CNTNAP5: variants seen among roughly 807,000 people sequenced by gnomAD.
CNTNAP5 encodes the protein contactin associated protein family member 5.
In CNTNAP5, 72 loss-of-function variants were observed where a neutral mutation model predicts 150.2. That is an observed-to-expected ratio of 0.48 (90% CI 0.40 to 0.58). CNTNAP5 has a LOEUF of 0.58. Ranked by LOEUF, CNTNAP5 falls within the 20% of genes least tolerant of loss-of-function variation. The pLI, the probability that CNTNAP5 is intolerant of heterozygous loss-of-function variation, is 0.00. For missense variants in CNTNAP5, 1,636 were observed against 1,626.2 expected (o/e 1.01, Z -0.10); for synonymous variants, 672 against 619.8 (o/e 1.08, Z -1.25).
chr2:124,588,940 C>T (rs1696616090), intron 11 of CNTNAP5, among the ~76,000 whole-genome samples: 1 of 152,084 alleles, frequency 6.6e-6, no homozygotes, highest in Admixed American at 6.5e-5. Flanking sequence ...ACACCAGGCT[C>T]TGGTGCAGTG....
chr2:124,474,907 T>C, intron 7 of CNTNAP5, 25 bp downstream of exon 7: 2 of 1,580,940 alleles, frequency 1.3e-6, no homozygotes, highest in Non-Finnish European at 1.7e-6. Context: ...CTGTTTTGTC[T>C]TGATGGTTTC....
Position 124,552,917 on chromosome 2 carries a change from C to A in CNTNAP5, c.1650-10300C>A, listed in dbSNP as rs147842187. On this transcript the variant is annotated intron_variant, in intron 10 of 23. Coordinates refer to ENST00000682447, the MANE Select transcript of CNTNAP5 (RefSeq NM_001367498.1). ...GCATTCTACAGTATGGGTGTACCAT[C>A]ATTTATTTAACCATTCCCTAAATGG... Among the ~76,000 whole-genome samples the A allele has an allele frequency of 3.2e-4, 48 of 152,228 alleles. 1 individual carries two copies. The highest frequency in any genetic ancestry group is 1.0e-3 in the African/African-American group (43 of 41,548).
intron 10 of CNTNAP5, among the ~76,000 whole-genome samples, chr2:124,554,381 A>T (rs765552187): frequency 4.6e-5 from 7 of 150,690 alleles, no homozygotes; most frequent in Middle Eastern, 3.2e-3. Flanking sequence ...ACTAAGGAAG[A>T]TTTCAATTAA....
intron 13 of CNTNAP5, among the ~76,000 whole-genome samples, chr2:124,718,228 A>G (rs2105112849): frequency 6.6e-6 from 1 of 152,304 alleles, no homozygotes; most frequent in African/African-American, 2.4e-5. Context: ...AAGATAAAGT[A>G]TTATTATTCA....
chr2:124,279,833 C>T (rs542012890), intron 3 of CNTNAP5, among the ~76,000 whole-genome samples: 1 of 152,188 alleles, frequency 6.6e-6, no homozygotes, highest in South Asian at 2.1e-4. Flanking sequence ...AGGGATTCAT[C>T]CCTTACCACC....
chr2:124,127,702 C>A (rs1683743977), intron 1 of CNTNAP5, among the ~76,000 whole-genome samples: 1 of 152,048 alleles, frequency 6.6e-6, no homozygotes, highest in Admixed American at 6.6e-5. Flanking sequence ...GTACTGGTAC[C>A]AAAACAGAGA....
At chr2:124,417,774 A>G (rs1374065685) in intron 4 of CNTNAP5, among the ~76,000 whole-genome samples, 184 bp downstream of exon 4, 1 of 152,218 alleles carries the variant, frequency 6.6e-6, no homozygotes, top group Non-Finnish European at 1.5e-5. Flanking sequence ...TTAGGACTGT[A>G]GGAATGTAGT....
chr2:124,133,951 A>G (rs1043326464), intron 1 of CNTNAP5, among the ~76,000 whole-genome samples: 1 of 152,170 alleles, frequency 6.6e-6, no homozygotes, highest in African/African-American at 2.4e-5. Context: ...TGTGTCTACC[A>G]CTTCTGTGAA....
At chr2:124,485,631 A>AAGAAG (rs1553472350) in intron 7 of CNTNAP5, among the ~76,000 whole-genome samples, 3 of 134,266 alleles carry the variant, frequency 2.2e-5, no homozygotes, top group African/African-American at 3.1e-5. Context: ...AAAAAAAAAA[A>AAGAAG]AAAGAAGAAG....
chr2:124,463,448 C>T (rs973985892), intron 6 of CNTNAP5, among the ~76,000 whole-genome samples: 9 of 152,092 alleles, frequency 5.9e-5, no homozygotes, highest in Non-Finnish European at 1.3e-4. Flanking sequence ...GAATATACCC[C>T]GTTGCAAAAC....
intron 1 of CNTNAP5, among the ~76,000 whole-genome samples, chr2:124,040,709 C>T (rs1050137114): frequency 1.3e-5 from 2 of 150,046 alleles, no homozygotes; most frequent in African/African-American, 4.9e-5. Context: ...TGGTAGAGAG[C>T]TTTTAATATA....
chr2:124,789,771 T>G (rs1681682355), intron 17 of CNTNAP5, 131 bp from the exon 18 acceptor site: 3 of 808,286 alleles, frequency 3.7e-6, no homozygotes, highest in Non-Finnish European at 5.6e-6. Flanking sequence ...CACTGAAACT[T>G]TAATAAAAAA....
intron 3 of CNTNAP5, among the ~76,000 whole-genome samples, chr2:124,340,960 C>T (rs1040493812): frequency 6.6e-6 from 1 of 150,960 alleles, no homozygotes; most frequent in African/African-American, 2.4e-5. Flanking sequence ...CCTGTAGTCC[C>T]ACCTACTCAG....
chr2:124,507,800 A>C (rs540953434), intron 8 of CNTNAP5, among the ~76,000 whole-genome samples: 1 of 152,332 alleles, frequency 6.6e-6, no homozygotes, highest in African/African-American at 2.4e-5. Context: ...AAATATGTCA[A>C]AGAAGTACAT....
intron 12 of CNTNAP5, among the ~76,000 whole-genome samples, chr2:124,613,886 C>T (rs560642709): frequency 7.2e-5 from 11 of 152,260 alleles, no homozygotes; most frequent in African/African-American, 2.4e-4. Context: ...TCTGGACCTC[C>T]GCACACTTTT....
chr2:124,518,876 C>T (rs1243561677), intron 8 of CNTNAP5, among the ~76,000 whole-genome samples: 1 of 151,390 alleles, frequency 6.6e-6, no homozygotes, highest in Non-Finnish European at 1.5e-5. Flanking sequence ...GTGATCCCAG[C>T]TACTCAGGAG....
At chr2:124,145,829 GAAGAAA>G (rs1558773933) in intron 1 of CNTNAP5, among the ~76,000 whole-genome samples, 8 of 25,184 alleles carry the variant, frequency 3.2e-4, no homozygotes, top group Non-Finnish European at 4.1e-4. Flanking sequence ...AAAAAAAAAA[GAAGAAA>G]AAAAAAAAAA....
At chr2:124,767,172 A>G (rs10177603) in intron 16 of CNTNAP5, among the ~76,000 whole-genome samples, 79,432 of 151,968 alleles carry the variant, frequency 0.52, 21,390 homozygotes, top group East Asian at 0.84. Flanking sequence ...GCAGTGGCTC[A>G]GAATAGATTT....
chr2:124,237,075 G>A (rs897308939), intron 2 of CNTNAP5, among the ~76,000 whole-genome samples: 2 of 152,140 alleles, frequency 1.3e-5, no homozygotes, highest in Admixed American at 1.3e-4. Context: ...GTTGCAGTGA[G>A]CCGAAATCAC....
Sources: allele counts gnomAD v4.1 joint callset (sites outside exome capture counted in the v4.1 genomes callset), GRCh38; gene constraint gnomAD v4.1.1; transcripts MANE v1.5; gene names NCBI Gene and HGNC (gene_info 2026-07-23, HGNC 2026-07-21).